The following AFF2 variants were observed in gnomAD, a reference collection of about 807,000 sequenced individuals.
AFF2 encodes AF4/FMR2 family member 2.
Under a neutral mutation model 76.9 loss-of-function variants are expected in AFF2, and 14 were observed. That is an observed-to-expected ratio of 0.18 (90% CI 0.12 to 0.28). The LOEUF (loss-of-function observed/expected upper bound fraction) is 0.28, where lower values mean the gene tolerates loss of function less well. Among genes scored for constraint, AFF2 ranks in the 10% least tolerant of loss-of-function variants. AFF2 has a pLI of 1.00. For synonymous variants in AFF2, 398 were observed against 366.7 expected, an observed-to-expected ratio of 1.09 and a Z score of -0.98; for missense variants, 868 against 1,001.1, an observed-to-expected ratio of 0.87 and a Z score of 1.79.
intron 3 of AFF2, among the ~76,000 whole-genome samples, chrX:148,688,489 T>C (rs2054619862): frequency 9.0e-6 from 1 of 111,544 alleles, no homozygotes; most frequent in Non-Finnish European, 1.9e-5. Flanking sequence ...TCTCACATTC[T>C]ATTTTGATTG....
chrX:148,907,850 G>T (rs1271267805), intron 9 of AFF2, among the ~76,000 whole-genome samples: 3 of 110,863 alleles, frequency 2.7e-5, no homozygotes, highest in African/African-American at 9.9e-5. Context: ...GTCCTAATAA[G>T]CCTGGGAGCG....
chrX:148,859,115 G>A (rs1301921725), intron 7 of AFF2, among the ~76,000 whole-genome samples: 1 of 105,088 alleles, frequency 9.5e-6, no homozygotes, highest in Non-Finnish European at 2.0e-5. Context: ...TGTAACAACA[G>A]CATTACATTG....
At chrX:148,602,995 T>C (rs969831287) in intron 1 of AFF2, among the ~76,000 whole-genome samples, 2 of 111,140 alleles carry the variant, frequency 1.8e-5, no homozygotes, top group South Asian at 7.6e-4. Context: ...GATGGGACTT[T>C]CCCCTCTTCC....
At chrX:148,894,122 G>T (rs192526844) in intron 8 of AFF2, among the ~76,000 whole-genome samples, 3 of 111,360 alleles carry the variant, frequency 2.7e-5, no homozygotes, top group East Asian at 5.7e-4. Flanking sequence ...GTTTAATCAG[G>T]GTTCTAGAAT....
intron 3 of AFF2, among the ~76,000 whole-genome samples, chrX:148,674,923 A>G (rs2054466069): frequency 1.8e-5 from 2 of 112,760 alleles, no homozygotes; most frequent in South Asian, 7.3e-4. Context: ...GTCCTCTTGT[A>G]TAGCCTACGA....
rs782055938 is a variant in AFF2 at position 148,709,896 on chromosome X, T to C, written c.1041+47128T>C. On this transcript the variant is annotated intron_variant, in intron 3 of 20. Coordinates refer to ENST00000370460, the MANE Select transcript of AFF2 (RefSeq NM_002025.4). ...TAAGATAAACTCTCTTTAGAGGGCTTTTCAAAGGTACTTAATGGCCCTGAG... is the reference window on the plus strand; with the variant it reads ...TAAGATAAACTCTCTTTAGAGGGCTCTTCAAAGGTACTTAATGGCCCTGAG... Among the ~76,000 whole-genome samples, 6 of 112,087 alleles carry C rather than the reference T, an allele frequency of 5.4e-5. No homozygotes were observed. The South Asian group carries it at 2.2e-3, about 42-fold the overall frequency.
Position 148,973,617 on chromosome X carries a change from C to A in AFF2, c.3404+10C>A. 1.7e-6 allele frequency: 2 copies of A among 1,195,769 alleles called. No individual in the cohort carries two copies. The highest frequency in any genetic ancestry group is 2.3e-4 in the Middle Eastern group (1 of 4,303). ...CTGTGGAGCTCCTCAGGTGAATAGC[C>A]TTTCTGCAATCATCTTCCTACACTC... is the stretch of plus-strand genomic sequence containing the variant. On this transcript the variant is annotated intron_variant, in intron 16 of 20. Transcript: ENST00000370460.
intron 1 of AFF2, among the ~76,000 whole-genome samples, chrX:148,588,671 G>C (rs1458099440): frequency 8.9e-6 from 1 of 111,968 alleles, no homozygotes; most frequent in Non-Finnish European, 1.9e-5. Flanking sequence ...TATCAAAACA[G>C]TATGCAATTT....
chrX:148,650,275 T>C (rs2054190583), intron 1 of AFF2, among the ~76,000 whole-genome samples: 2 of 111,214 alleles, frequency 1.8e-5, no homozygotes, highest in Non-Finnish European at 3.8e-5. Context: ...CAACAATTGT[T>C]TGGGGTTCTG....
At chrX:148,792,250 C>T (rs868948887) in intron 3 of AFF2, among the ~76,000 whole-genome samples, 1 of 111,982 alleles carries the variant, frequency 8.9e-6, no homozygotes. Context: ...AGGCCTGGTA[C>T]ACCTAAATGC....
chrX:148,672,485 C>T (rs373896949), intron 3 of AFF2, among the ~76,000 whole-genome samples: 11 of 111,893 alleles, frequency 9.8e-5, no homozygotes, highest in South Asian at 3.8e-4. Flanking sequence ...GATACTTCCA[C>T]GTGGCATTTG....
intron 1 of AFF2, among the ~76,000 whole-genome samples, chrX:148,613,830 G>A (rs73618386): frequency 0.19 from 20,999 of 111,125 alleles, 1,440 homozygotes; most frequent in Non-Finnish European, 0.2. Flanking sequence ...CATTCTAGCC[G>A]AAGATAAAAT....
chrX:148,918,489 G>T (rs1405151687), intron 9 of AFF2, among the ~76,000 whole-genome samples: 1 of 111,450 alleles, frequency 9.0e-6, no homozygotes, highest in African/African-American at 3.3e-5. Context: ...TGTAGGCACA[G>T]CTTATCGAAC....
chrX:148,881,554 C>T (rs1557278490), intron 7 of AFF2, among the ~76,000 whole-genome samples: 1 of 111,226 alleles, frequency 9.0e-6, no homozygotes, highest in Non-Finnish European at 1.9e-5. Flanking sequence ...TAAGAAAACC[C>T]AAGACAGATC....
intron 3 of AFF2, among the ~76,000 whole-genome samples, chrX:148,717,632 A>G (rs955246639): frequency 1.8e-5 from 2 of 111,706 alleles, no homozygotes; most frequent in African/African-American, 3.3e-5. Context: ...TTGGAGTGCA[A>G]TTTTGAAGGG....
intron 3 of AFF2, among the ~76,000 whole-genome samples, chrX:148,768,428 G>A (rs1469282961): frequency 1.8e-5 from 2 of 110,703 alleles, no homozygotes; most frequent in African/African-American, 3.3e-5. Context: ...CCTCCTTGAC[G>A]TCACTTCCAG....
rs1383681239 is a variant in AFF2, at chrX:148,507,809, A to G, written c.47+6665A>G. ...TGACCTTAGCGTCTAACATCTACCT[A>G]CTTACTGAGCTGAAAAAAAGTTATC... On this transcript the variant is annotated intron_variant, in intron 1 of 20. Transcript: ENST00000370460. Among the ~76,000 whole-genome samples, 4 of 111,951 alleles carry G rather than the reference A, an allele frequency of 3.6e-5. 1 individual carries two copies. The highest frequency in any genetic ancestry group is 7.5e-5 in the Non-Finnish European group (4 of 53,151).
chrX:148,803,369 C>T (rs187592548), intron 3 of AFF2, among the ~76,000 whole-genome samples: 20 of 110,718 alleles, frequency 1.8e-4, no homozygotes, highest in African/African-American at 4.3e-4. Flanking sequence ...CCTGTGGAAC[C>T]GGGCTGGAAG....
chrX:148,789,888 G>C (rs1353894052), intron 3 of AFF2, among the ~76,000 whole-genome samples: 20 of 111,642 alleles, frequency 1.8e-4, no homozygotes, highest in Non-Finnish European at 7.5e-5. Context: ...TCAATTCATA[G>C]GTGAAGAACC....
Sources: allele counts gnomAD v4.1 joint callset (sites outside exome capture counted in the v4.1 genomes callset), GRCh38; gene constraint gnomAD v4.1.1; transcripts MANE v1.5; gene names NCBI Gene and HGNC (gene_info 2026-07-23, HGNC 2026-07-21).